Variants in RANBP2 observed in about 807,000 individuals in gnomAD.
RANBP2 encodes RAN binding protein 2, also known as E3 SUMO-protein ligase RanBP2.
A neutral mutation model predicts 303.6 loss-of-function variants in RANBP2; 57 were observed. That is an observed-to-expected ratio of 0.19 (90% CI 0.15 to 0.23). RANBP2 has a LOEUF of 0.23. Among genes scored for constraint, RANBP2 ranks in the 10% least tolerant of loss-of-function variants. The pLI is 1.00. For synonymous variants in RANBP2, 1,167 were observed against 1,301.5 expected (o/e 0.90, Z 2.23); for missense variants, 3,138 against 3,780.8 (o/e 0.83, Z 4.46).
At chr2:109,350,111 A>G in the RANBP2 span, among the ~76,000 whole-genome samples, 1 of 152,172 alleles carries the variant, frequency 6.6e-6, no homozygotes, top group Non-Finnish European at 1.5e-5. Flanking sequence ...ATGGAATTCC[A>G]TGTTCCATAT....
At chr2:109,085,081 G>T in the RANBP2 span, among the ~76,000 whole-genome samples, 1 of 152,082 alleles carries the variant, frequency 6.6e-6, no homozygotes, top group East Asian at 1.9e-4. Flanking sequence ...CCTCCTGGCC[G>T]CCAGGTAAGA....
chr2:109,103,331 C>A, the RANBP2 span, among the ~76,000 whole-genome samples: 1 of 152,204 alleles, frequency 6.6e-6, no homozygotes, highest in African/African-American at 2.4e-5. Context: ...GTCCTGAGAA[C>A]GTGTGCCCAA....
intron 23 of RANBP2, among the ~76,000 whole-genome samples, chr2:108,773,724 G>A (rs1677679257): frequency 6.6e-6 from 1 of 151,580 alleles, no homozygotes; most frequent in Admixed American, 6.6e-5. Flanking sequence ...TCTGCTCGCT[G>A]CAACCTCTGC....
chr2:109,436,077 C>CGG, the RANBP2 span, among the ~76,000 whole-genome samples: 8 of 152,224 alleles, frequency 5.3e-5, no homozygotes, highest in East Asian at 1.5e-3. Flanking sequence ...GCACAGGAGA[C>CGG]GGGGCAGGCA....
chr2:109,557,191 T>C, the RANBP2 span, among the ~76,000 whole-genome samples: 4 of 151,960 alleles, frequency 2.6e-5, no homozygotes, highest in Admixed American at 2.0e-4. Context: ...TTAAAAAAAA[T>C]TATAAAAAAA....
At chr2:109,170,654 A>G in the RANBP2 span, among the ~76,000 whole-genome samples, 1 of 152,146 alleles carries the variant, frequency 6.6e-6, no homozygotes, top group Non-Finnish European at 1.5e-5. Flanking sequence ...CTGGTCAAAC[A>G]GAATATTTCC....
the RANBP2 span, among the ~76,000 whole-genome samples, chr2:108,899,988 A>AAAT: frequency 4.6e-5 from 7 of 152,074 alleles, no homozygotes; most frequent in Non-Finnish European, 7.4e-5. Context: ...TCCATGTCAA[A>AAAT]AATAATAATA....
At chr2:109,700,935 C>A in the RANBP2 span, among the ~76,000 whole-genome samples, 1 of 152,038 alleles carries the variant, frequency 6.6e-6, no homozygotes, top group Non-Finnish European at 1.5e-5. Flanking sequence ...TAGGGAAAGG[C>A]AAGGGCAAAA....
the RANBP2 span, among the ~76,000 whole-genome samples, chr2:109,608,145 T>C: frequency 6.6e-6 from 1 of 152,232 alleles, no homozygotes; most frequent in Non-Finnish European, 1.5e-5. Context: ...TTTTCAAAAA[T>C]CATTTGAGTA....
the RANBP2 span, chr2:108,930,192 G>C: frequency 6.2e-7 from 1 of 1,614,082 alleles, no homozygotes; most frequent in Non-Finnish European, 8.5e-7. Flanking sequence ...TGTAGTACTC[G>C]TTCTCACCGC....
the RANBP2 span, chr2:109,129,330 CGG>C: frequency 2.3e-3 from 3 of 1,304 alleles, no homozygotes; most frequent in African/African-American, 9.0e-4. Context: ...CTCGGCTGGC[CGG>C]TCCCCGCCAC....
At chr2:109,702,810 T>TG in the RANBP2 span, among the ~76,000 whole-genome samples, 1 of 151,418 alleles carries the variant, frequency 6.6e-6, no homozygotes, top group Non-Finnish European at 1.5e-5. Flanking sequence ...CAGTCTTTTT[T>TG]TTTTTTTAAT....
chr2:109,213,743 G>A, the RANBP2 span, among the ~76,000 whole-genome samples: 1 of 152,196 alleles, frequency 6.6e-6, no homozygotes, highest in Admixed American at 6.5e-5. Flanking sequence ...GGGGAACGTG[G>A]GGATGGTTTT....
At chr2:109,638,965 A>G in the RANBP2 span, among the ~76,000 whole-genome samples, 8,586 of 152,224 alleles carry the variant, frequency 0.056, 696 homozygotes, top group East Asian at 0.25. Flanking sequence ...GCTCCAAAAC[A>G]AAGCCTGCAC....
At chr2:108,960,414 C>T in the RANBP2 span, among the ~76,000 whole-genome samples, 1 of 152,116 alleles carries the variant, frequency 6.6e-6, no homozygotes, top group Non-Finnish European at 1.5e-5. Flanking sequence ...ACCTGTGGTG[C>T]TCCCCCCAAA....
At chr2:108,853,863 A>C in the RANBP2 span, among the ~76,000 whole-genome samples, 8 of 128,374 alleles carry the variant, frequency 6.2e-5, no homozygotes, top group Non-Finnish European at 6.3e-5. Flanking sequence ...TATATATATA[A>C]TATATATACT....
the RANBP2 span, among the ~76,000 whole-genome samples, chr2:109,202,239 G>A: frequency 3.1e-3 from 477 of 152,264 alleles, 3 homozygotes; most frequent in African/African-American, 0.011. Context: ...GTGAGGATGC[G>A]GCCCCCACCT....
chr2:109,709,262 C>T, the RANBP2 span, among the ~76,000 whole-genome samples: 14 of 147,318 alleles, frequency 9.5e-5, no homozygotes, highest in Non-Finnish European at 1.9e-4. Flanking sequence ...GCTGAGATCG[C>T]ACCATTGCGC....
chr2:109,291,781 G>C, the RANBP2 span, among the ~76,000 whole-genome samples: 1 of 152,218 alleles, frequency 6.6e-6, no homozygotes, highest in African/African-American at 2.4e-5. Flanking sequence ...TCCAGTTTCA[G>C]GTGACTGTTG....
Sources: gnomAD v4.1 joint callset for allele counts (sites outside exome capture counted in the v4.1 genomes callset) on GRCh38, gnomAD v4.1.1 for gene constraint, MANE v1.5 for transcripts, NCBI Gene and HGNC (gene_info 2026-07-23, HGNC 2026-07-21) for gene names.